SCAPER: variants seen among roughly 807,000 people sequenced by gnomAD.
SCAPER encodes S-phase cyclin A associated protein in the ER, also known as S phase cyclin A-associated protein in the endoplasmic reticulum.
SCAPER carries 98 observed loss-of-function variants against 182.2 expected under a neutral mutation model. That is an observed-to-expected ratio of 0.54 (90% CI 0.46 to 0.64). SCAPER has a LOEUF of 0.64. SCAPER is among the 30% of genes least tolerant of loss of function. SCAPER has a pLI of 0.00. For synonymous variants in SCAPER, 605 were observed against 564.6 expected, an observed-to-expected ratio of 1.07 and a Z score of -1.01; for missense variants, 1,432 against 1,690.0, an observed-to-expected ratio of 0.85 and a Z score of 2.68.
chr15:76,853,975 T>C (rs967961174), intron 4 of SCAPER, among the ~76,000 whole-genome samples: 4 of 152,138 alleles, frequency 2.6e-5, no homozygotes, highest in African/African-American at 7.2e-5. Flanking sequence ...AGTTTCAGGA[T>C]ATAAAATCAC....
At chr15:76,563,170 G>A (rs969122532) in intron 23 of SCAPER, among the ~76,000 whole-genome samples, 24 of 152,100 alleles carry the variant, frequency 1.6e-4, no homozygotes, top group African/African-American at 5.8e-4. Flanking sequence ...AAGGGTTCTG[G>A]GATGCTGACA....
intron 26 of SCAPER, among the ~76,000 whole-genome samples, chr15:76,429,451 C>T (rs1353057273): frequency 6.6e-6 from 1 of 152,024 alleles, no homozygotes. Flanking sequence ...ATGGCTTTGA[C>T]CAAAAATGCT....
At chr15:76,428,866 C>A (rs1596566712) in intron 26 of SCAPER, among the ~76,000 whole-genome samples, 7 of 79,912 alleles carry the variant, frequency 8.8e-5, no homozygotes, top group South Asian at 5.9e-4. Context: ...GATCATTATA[C>A]TATATATATA....
intron 22 of SCAPER, among the ~76,000 whole-genome samples, chr15:76,575,606 CTCTT>C (rs1202499708): frequency 6.6e-6 from 1 of 152,206 alleles, no homozygotes; most frequent in Non-Finnish European, 1.5e-5. Flanking sequence ...CTCAAGCTCT[CTCTT>C]CTTCCTGTCT....
intron 21 of SCAPER, among the ~76,000 whole-genome samples, chr15:76,648,272 T>C (rs1348302718): frequency 6.8e-6 from 1 of 147,354 alleles, no homozygotes; most frequent in East Asian, 2.0e-4. Context: ...ATATAACACA[T>C]GAAATAAAAA....
chr15:76,552,256 G>A (rs1366079055), intron 23 of SCAPER, among the ~76,000 whole-genome samples: 1 of 152,056 alleles, frequency 6.6e-6, no homozygotes, highest in Non-Finnish European at 1.5e-5. Context: ...ACTCCCACCT[G>A]GGCAAGAGAA....
intron 23 of SCAPER, among the ~76,000 whole-genome samples, chr15:76,549,836 T>C (rs1439484084): frequency 6.6e-6 from 1 of 152,090 alleles, no homozygotes; most frequent in East Asian, 1.9e-4. Context: ...GATTTAAATA[T>C]AAGATCTGAA....
chr15:76,498,585 T>C (rs2040825297), intron 24 of SCAPER: 1 of 152,370 alleles, frequency 6.6e-6, no homozygotes, highest in South Asian at 2.1e-4. Flanking sequence ...CATACCCCAA[T>C]GTGACTGCTT....
At chr15:76,718,177 T>C (rs139067008) in intron 17 of SCAPER, among the ~76,000 whole-genome samples, 1 of 152,004 alleles carries the variant, frequency 6.6e-6, no homozygotes, top group South Asian at 2.1e-4. Flanking sequence ...AAATAAGTCA[T>C]GAGTTAAAGA....
In SCAPER at chr15:76,348,673, TC is replaced by T; in HGVS notation, c.4162del (p.Glu1388LysfsTer8). The T allele has an allele frequency of 6.4e-7, 1 of 1,556,052 alleles. No individual in the cohort carries two copies. Among genetic ancestry groups the T allele is most frequent in the Non-Finnish European group, 8.7e-7 (1 of 1,148,512 alleles). On this transcript the variant is annotated frameshift_variant, in exon 32 of 32. Transcript: ENST00000563290. LOFTEE classifies it high-confidence loss of function. ...TTTCAAGAAAAACTGTCGAGCTTCT[TC>T]CCAGGCCTGCTGAGGAAATCTGTTA... is the stretch of plus-strand genomic sequence containing the variant. Reference protein sequence around the residue: ...LANRFPQQAWEEARQFFLKKE... With the variant: ...LANRFPQQAWXEARQFFLKKE...
intron 25 of SCAPER, among the ~76,000 whole-genome samples, chr15:76,448,525 C>T (rs2048160549): frequency 6.6e-6 from 1 of 152,030 alleles, no homozygotes. Context: ...GACTTGGGAC[C>T]ATCGGTGTAT....
chr15:76,480,794 G>A lies in SCAPER; in HGVS notation c.2955-9459C>T, dbSNP rs1186344904. Among the ~76,000 whole-genome samples the A allele has an allele frequency of 3.9e-5, 6 of 151,920 alleles. No individual in the cohort carries two copies. In the East Asian group the frequency reaches 1.2e-3, roughly 29 times the overall value. Reference sequence around the variant, plus strand: ...CACCCAGGCTGGAGTGCAGTGGTGCGATCTCGGCTCACTGCAAGCTCCGCC... The same window carrying A: ...CACCCAGGCTGGAGTGCAGTGGTGCAATCTCGGCTCACTGCAAGCTCCGCC... On this transcript the variant is annotated intron_variant, in intron 24 of 31. Transcript: ENST00000563290.
At chr15:76,530,820 G>A (rs1008193761) in intron 23 of SCAPER, among the ~76,000 whole-genome samples, 1 of 151,892 alleles carries the variant, frequency 6.6e-6, no homozygotes, top group South Asian at 2.1e-4. Context: ...ACAGAGGGAG[G>A]GAAGTACGTA....
chr15:76,632,704 C>A (rs1411767305), intron 21 of SCAPER, among the ~76,000 whole-genome samples: 2 of 151,396 alleles, frequency 1.3e-5, no homozygotes, highest in Non-Finnish European at 2.9e-5. Context: ...GAGTTTTCAG[C>A]ATTTTTGCAT....
chr15:76,502,887 A>T (rs1222996428), intron 24 of SCAPER, among the ~76,000 whole-genome samples: 1 of 152,160 alleles, frequency 6.6e-6, no homozygotes, highest in Non-Finnish European at 1.5e-5. Context: ...ATTCTTGCTT[A>T]GGTCTTTATA....
At chr15:76,479,877 G>T (rs1036121150) in intron 24 of SCAPER, among the ~76,000 whole-genome samples, 10 of 152,180 alleles carry the variant, frequency 6.6e-5, no homozygotes, top group Non-Finnish European at 1.2e-4. Flanking sequence ...AAATCTACAT[G>T]GGGGAGGGAG....
intron 24 of SCAPER, among the ~76,000 whole-genome samples, chr15:76,495,105 T>A (rs905868139): frequency 3.9e-5 from 6 of 152,216 alleles, no homozygotes; most frequent in African/African-American, 1.4e-4. Context: ...TACCATGGCA[T>A]AGATGGGTTA....
At chr15:76,690,800 T>C (rs1306907058) in intron 20 of SCAPER, among the ~76,000 whole-genome samples, 1 of 152,082 alleles carries the variant, frequency 6.6e-6, no homozygotes, top group African/African-American at 2.4e-5. Context: ...CTTATTTACT[T>C]ATGTCTATTA....
chr15:76,817,970 C>A (rs1454972405), intron 5 of SCAPER, among the ~76,000 whole-genome samples: 3 of 152,124 alleles, frequency 2.0e-5, no homozygotes, highest in Admixed American at 6.5e-5. Flanking sequence ...AAGTTTACAG[C>A]AGAAGCAAAA....
Sources: allele counts gnomAD v4.1 joint callset (sites outside exome capture counted in the v4.1 genomes callset), GRCh38; gene constraint gnomAD v4.1.1; transcripts MANE v1.5; gene names NCBI Gene and HGNC (gene_info 2026-07-23, HGNC 2026-07-21).